PHLPP1: variants seen among roughly 807,000 people sequenced by gnomAD.
PHLPP1 encodes the protein PH domain and leucine rich repeat protein phosphatase 1.
Under a neutral mutation model 117.2 loss-of-function variants are expected in PHLPP1, and 42 were observed. The ratio of observed to expected loss-of-function variants is 0.36; its 90% CI spans 0.28 to 0.46. PHLPP1 has a LOEUF of 0.46. PHLPP1 is among the 20% of genes least tolerant of loss of function. The pLI is 1.00. For synonymous variants in PHLPP1, 1,042 were observed against 970.7 expected, an observed-to-expected ratio of 1.07 and a Z score of -1.37; for missense variants, 2,084 against 2,241.9, an observed-to-expected ratio of 0.93 and a Z score of 1.42.
chr18:62,880,882 A>G (rs911912674), intron 4 of PHLPP1, among the ~76,000 whole-genome samples: 2 of 152,110 alleles, frequency 1.3e-5, no homozygotes, highest in Non-Finnish European at 2.9e-5. Context: ...GTGGTTCTCT[A>G]TGTAATTTAC....
chr18:62,800,714 A>G (rs1450924837), intron 1 of PHLPP1, among the ~76,000 whole-genome samples: 1 of 151,966 alleles, frequency 6.6e-6, no homozygotes, highest in Non-Finnish European at 1.5e-5. Flanking sequence ...TCTGCTTATG[A>G]TCCTAATAAT....
chr18:62,841,006 C>T (rs1915034284), intron 3 of PHLPP1, among the ~76,000 whole-genome samples: 1 of 152,176 alleles, frequency 6.6e-6, no homozygotes, highest in Non-Finnish European at 1.5e-5. Flanking sequence ...TCTCCTACCT[C>T]AGTCTCCTGA....
At chr18:62,898,811 T>C (rs1398404888) in intron 6 of PHLPP1, among the ~76,000 whole-genome samples, 6 of 152,024 alleles carry the variant, frequency 3.9e-5, no homozygotes, top group Admixed American at 2.6e-4. Flanking sequence ...ATTATTATTA[T>C]TATTTTTTGA....
At chr18:62,875,623 G>A (rs985903120) in intron 4 of PHLPP1, among the ~76,000 whole-genome samples, 1 of 152,124 alleles carries the variant, frequency 6.6e-6, no homozygotes, top group African/African-American at 2.4e-5. Flanking sequence ...GCACTCTTGA[G>A]TGAATGGTGG....
At chr18:62,928,397 C>T (rs893883177) in intron 10 of PHLPP1, among the ~76,000 whole-genome samples, 3 of 151,904 alleles carry the variant, frequency 2.0e-5, no homozygotes, top group African/African-American at 7.3e-5. Flanking sequence ...TACAAATGGC[C>T]AAGAAACACA....
At chr18:62,854,049 A>G (rs1915432594) in intron 3 of PHLPP1, among the ~76,000 whole-genome samples, 1 of 152,178 alleles carries the variant, frequency 6.6e-6, no homozygotes, top group Middle Eastern at 3.2e-3. Context: ...GACTTATTCA[A>G]AGTCACGTTG....
At chr18:62,789,304 A>T (rs1913389810) in intron 1 of PHLPP1, among the ~76,000 whole-genome samples, 1 of 151,976 alleles carries the variant, frequency 6.6e-6, no homozygotes, top group Non-Finnish European at 1.5e-5. Context: ...GTCTTAAAAG[A>T]ATCGTTGCTT....
intron 1 of PHLPP1, among the ~76,000 whole-genome samples, chr18:62,728,507 T>TC: frequency 6.7e-6 from 1 of 148,162 alleles, no homozygotes; most frequent in East Asian, 1.9e-4. Flanking sequence ...TCTTTATCTT[T>TC]TTTTTTTTTT....
intron 1 of PHLPP1, among the ~76,000 whole-genome samples, chr18:62,748,462 G>T (rs951565249): frequency 6.6e-6 from 1 of 152,194 alleles, no homozygotes; most frequent in African/African-American, 2.4e-5. Flanking sequence ...GCCCAGGCTG[G>T]TCTGGAACTC....
chr18:62,963,296 C>G lies in PHLPP1; in HGVS notation c.3456-72C>G, dbSNP rs959546822. On this transcript the variant is annotated intron_variant, in intron 13 of 16. Coordinates refer to ENST00000262719, the MANE Select transcript of PHLPP1 (RefSeq NM_194449.4). ...TGTTTAACAGGTGTATTTTTTATTT[C>G]TTGGATAAAGGTAGCAATTTGCACA... The G allele has an allele frequency of 4.1e-6, 4 of 972,292 alleles. No homozygotes were observed. In the African/African-American group the frequency reaches 4.9e-5, roughly 12 times the overall value. 60.2% of individuals were successfully genotyped at this position (972,292 alleles called of 1,614,324 possible). A position where few individuals can be genotyped will look rare whatever the true frequency, so the allele number is the denominator to read the frequency against.
chr18:62,839,099 G>GT (rs1914988515), intron 3 of PHLPP1, 190 bp downstream of exon 3: 3 of 569,268 alleles, frequency 5.3e-6, no homozygotes, highest in Non-Finnish European at 9.2e-6. Flanking sequence ...TTTAAAAATT[G>GT]TTTTTTACTT....
chr18:62,765,690 CAT>C (rs1229638413), intron 1 of PHLPP1, among the ~76,000 whole-genome samples: 1 of 152,058 alleles, frequency 6.6e-6, no homozygotes, highest in African/African-American at 2.4e-5. Flanking sequence ...GGGTAAGTGA[CAT>C]AAAATATTTG....
intron 1 of PHLPP1, chr18:62,779,702 T>C (rs921211926): frequency 6.6e-6 from 1 of 152,258 alleles, no homozygotes; most frequent in African/African-American, 2.4e-5. Flanking sequence ...TACAGGGTTC[T>C]GTCTCGTATT....
At chr18:62,874,657 G>A (rs79439238) in intron 4 of PHLPP1, among the ~76,000 whole-genome samples, 2,351 of 147,698 alleles carry the variant, frequency 0.016, 59 homozygotes, top group African/African-American at 0.055. Flanking sequence ...ACGCACGCGC[G>A]CACACACACA....
intron 1 of PHLPP1, among the ~76,000 whole-genome samples, chr18:62,721,296 A>G (rs552303005): frequency 1.3e-5 from 2 of 152,114 alleles, no homozygotes; most frequent in Non-Finnish European, 2.9e-5. Context: ...ATTTAAGTTG[A>G]TATGAATTAA....
At chr18:62,864,665 T>C (rs775212394) in intron 4 of PHLPP1, among the ~76,000 whole-genome samples, 20 of 152,334 alleles carry the variant, frequency 1.3e-4, no homozygotes, top group Non-Finnish European at 2.4e-4. Flanking sequence ...GTAAACTAAA[T>C]AAGAAGGCTT....
intron 3 of PHLPP1, among the ~76,000 whole-genome samples, chr18:62,845,018 T>G (rs1915145063): frequency 6.6e-6 from 1 of 152,158 alleles, no homozygotes; most frequent in South Asian, 2.1e-4. Flanking sequence ...TCTTAGGCAT[T>G]TTATCTTCAA....
intron 1 of PHLPP1, among the ~76,000 whole-genome samples, chr18:62,764,205 AAAAC>A (rs1334525711): frequency 7.2e-5 from 11 of 151,772 alleles, no homozygotes; most frequent in Non-Finnish European, 1.2e-4. Context: ...AAAAAAACAC[AAAAC>A]AAACAAACAA....
At chr18:62,875,412 T>C (rs1334954438) in intron 4 of PHLPP1, among the ~76,000 whole-genome samples, 2 of 152,234 alleles carry the variant, frequency 1.3e-5, no homozygotes, top group Non-Finnish European at 2.9e-5. Context: ...TAAAATTCTG[T>C]GTAATAGTTA....
Sources: gnomAD v4.1 joint callset for allele counts (sites outside exome capture counted in the v4.1 genomes callset) on GRCh38, gnomAD v4.1.1 for gene constraint, MANE v1.5 for transcripts, NCBI Gene and HGNC (gene_info 2026-07-23, HGNC 2026-07-21) for gene names.